Variants in ANO4 observed in about 807,000 individuals in gnomAD.
The protein encoded by ANO4 is anoctamin-4.
A neutral mutation model predicts 141.9 loss-of-function variants in ANO4; 69 were observed. That is an observed-to-expected ratio of 0.49 (90% CI 0.40 to 0.59). The LOEUF (loss-of-function observed/expected upper bound fraction) is 0.59, where lower values mean the gene tolerates loss of function less well. Among genes scored for constraint, ANO4 ranks in the 20% least tolerant of loss-of-function variants. The pLI is 0.00. For synonymous variants in ANO4, 350 were observed against 394.3 expected (o/e 0.89, Z 1.33); for missense variants, 894 against 1,162.2 (o/e 0.77, Z 3.36).
At chr12:100,933,108 CTTT>C (rs5800441) in intron 3 of ANO4, among the ~76,000 whole-genome samples, 1 of 148,474 alleles carries the variant, frequency 6.7e-6, no homozygotes, top group African/African-American at 2.5e-5. Context: ...TCTTGTCATT[CTTT>C]TTTTTTTTGC....
chr12:101,043,683 C>T (rs1230449498), intron 13 of ANO4, 48 bp downstream of exon 13: 1 of 1,362,132 alleles, frequency 7.3e-7, no homozygotes, highest in South Asian at 1.2e-5. Context: ...TAACATACAC[C>T]TTCCTGAGGG....
intron 3 of ANO4, among the ~76,000 whole-genome samples, chr12:100,764,789 A>C (rs1393732859): frequency 6.6e-6 from 1 of 152,204 alleles, no homozygotes; most frequent in Non-Finnish European, 1.5e-5. Flanking sequence ...GCCTGCAGTT[A>C]AGTATATTAG....
rs1178319436 is a variant in ANO4, at chr12:101,048,331, T to C, written c.1252-10T>C. On this transcript the variant is annotated splice_polypyrimidine_tract_variant and intron_variant, in intron 13 of 27. Transcript: ENST00000392977. The stretch of plus-strand genomic sequence containing the variant: ...GAAATTAACTCAGCACCGATTCTTA[T>C]TATTCACAGGTAACCCACCTTTTTG... The C allele has an allele frequency of 1.9e-6, 3 of 1,613,236 alleles. No homozygotes were observed. The highest frequency in any genetic ancestry group is 1.1e-5 in the South Asian group (1 of 90,904).
chr12:100,792,775 A>G (rs17480273), upstream of ANO4, among the ~76,000 whole-genome samples: 1,924 of 152,346 alleles, frequency 0.013, 25 homozygotes, highest in Middle Eastern at 0.02. Flanking sequence ...CATCAACAGT[A>G]TTAATCTCAA....
chr12:100,765,877 T>C (rs1397855550), intron 3 of ANO4, among the ~76,000 whole-genome samples: 2 of 150,318 alleles, frequency 1.3e-5, no homozygotes, highest in African/African-American at 4.9e-5. Flanking sequence ...TTTTTTTTTG[T>C]GGTCAGAACA....
chr12:100,901,708 G>C lies in ANO4; in HGVS notation c.-78G>C. The C allele has an allele frequency of 7.5e-7, 1 of 1,341,886 alleles. No individual in the cohort carries two copies. 83.1% of individuals were successfully genotyped at this position (1,341,886 alleles called of 1,614,324 possible). A position where few individuals can be genotyped will look rare whatever the true frequency, so the allele number is the denominator to read the frequency against. ...GCAAATCCATCAACGGCGAAGTGTG[G>C]CAAGCCGCCCAGCGTCACGTCGTCG... On this transcript the variant is annotated 5_prime_UTR_variant, in exon 2 of 28. Coordinates refer to ENST00000392977, the MANE Select transcript of ANO4 (RefSeq NM_001286615.2).
chr12:101,005,660 T>C (rs1316334267), intron 8 of ANO4, among the ~76,000 whole-genome samples: 3 of 152,230 alleles, frequency 2.0e-5, no homozygotes, highest in African/African-American at 7.2e-5. Context: ...AACAACACAG[T>C]ATATCAGTGC....
chr12:101,055,059 A>G (rs148682876), intron 14 of ANO4, among the ~76,000 whole-genome samples: 2 of 152,302 alleles, frequency 1.3e-5, no homozygotes, highest in African/African-American at 2.4e-5. Context: ...TTGTTCGTCT[A>G]CTTACCAGTT....
chr12:100,898,633 A>T (rs1010320426), intron 1 of ANO4, among the ~76,000 whole-genome samples: 1 of 152,172 alleles, frequency 6.6e-6, no homozygotes, highest in Non-Finnish European at 1.5e-5. Flanking sequence ...ATATATTTTA[A>T]AAAAATGCCA....
intron 1 of ANO4, among the ~76,000 whole-genome samples, chr12:100,872,582 T>C (rs2039087599): frequency 6.6e-6 from 1 of 152,234 alleles, no homozygotes; most frequent in Non-Finnish European, 1.5e-5. Flanking sequence ...TATCTCCTCC[T>C]TTAGCTTCAG....
rs1185535153 is a variant in ANO4, at chr12:101,075,664, C to CACATATATCTTTATATAAAACATAAAGAT, written c.1313-3506_1313-3478dup. Among the ~76,000 whole-genome samples, 5 of 148,970 alleles carry CACATATATCTTTATATAAAACATAAAGAT rather than the reference C, an allele frequency of 3.4e-5. No homozygotes were observed. In the South Asian group the frequency reaches 8.5e-4, roughly 25 times the overall value. Reference sequence around the variant, plus strand: ...ATATATATATACACACACACACATACACATATATCTTTATATAAAACATAA... The same window carrying CACATATATCTTTATATAAAACATAAAGAT: ...ATATATATATACACACACACACATACACATATATCTTTATATAAAACATAAAGATACATATATCTTTATATAAAACATAA... On this transcript the variant is annotated intron_variant, in intron 14 of 27. Transcript: ENST00000392977.
At chr12:100,916,801 A>G (rs940337938) in intron 2 of ANO4, among the ~76,000 whole-genome samples, 1 of 152,200 alleles carries the variant, frequency 6.6e-6, no homozygotes, top group Non-Finnish European at 1.5e-5. Flanking sequence ...ATTTCTATGG[A>G]CAAAGAATGG....
At chr12:100,889,666 A>G (rs982850377) in intron 1 of ANO4, among the ~76,000 whole-genome samples, 1 of 152,228 alleles carries the variant, frequency 6.6e-6, no homozygotes, top group Non-Finnish European at 1.5e-5. Flanking sequence ...CATCAGAGAA[A>G]TGCAAATCAA....
At chr12:100,890,611 A>G (rs1004095110) in intron 1 of ANO4, among the ~76,000 whole-genome samples, 9 of 152,200 alleles carry the variant, frequency 5.9e-5, no homozygotes, top group Non-Finnish European at 1.5e-5. Context: ...CCAGCAGTGA[A>G]GAGCATCTTT....
At chr12:100,795,082 G>A (rs1428637916) in intron 1 of ANO4, 55 bp downstream of exon 1, 2 of 152,628 alleles carry the variant, frequency 1.3e-5, no homozygotes, top group African/African-American at 2.4e-5. Context: ...TGAACCGTTC[G>A]TTCCCCCTCT....
At chr12:100,842,743 G>GTGT (rs1203112505) in intron 1 of ANO4, among the ~76,000 whole-genome samples, 3 of 152,042 alleles carry the variant, frequency 2.0e-5, no homozygotes, top group Non-Finnish European at 2.9e-5. Flanking sequence ...TTACATGGTA[G>GTGT]AAGGTGGAAG....
chr12:101,059,577 T>C (rs1178315347), intron 14 of ANO4, among the ~76,000 whole-genome samples: 1 of 151,870 alleles, frequency 6.6e-6, no homozygotes, highest in African/African-American at 2.4e-5. Flanking sequence ...ACATCTTCCT[T>C]CTTCTTTTTC....
intron 14 of ANO4, among the ~76,000 whole-genome samples, chr12:101,048,792 G>A (rs1235697358): frequency 1.3e-5 from 2 of 152,082 alleles, no homozygotes; most frequent in Admixed American, 6.5e-5. Flanking sequence ...TTCTAGCTCT[G>A]TACAAAATTA....
intron 3 of ANO4, among the ~76,000 whole-genome samples, chr12:100,747,085 T>C (rs903268111): frequency 2.0e-5 from 3 of 152,160 alleles, no homozygotes; most frequent in Admixed American, 1.3e-4. Context: ...AGTTGTGATA[T>C]CTGAAAAAAG....
Sources: allele counts gnomAD v4.1 joint callset (sites outside exome capture counted in the v4.1 genomes callset), GRCh38; gene constraint gnomAD v4.1.1; transcripts MANE v1.5; gene names NCBI Gene and HGNC (gene_info 2026-07-23, HGNC 2026-07-21).